Variants in CACNA1E observed in about 807,000 individuals in gnomAD.
The protein encoded by CACNA1E is voltage-dependent R-type calcium channel subunit alpha-1E.
In CACNA1E, 40 loss-of-function variants were observed where a neutral mutation model predicts 259.2. That is an observed-to-expected ratio of 0.15 (90% CI 0.12 to 0.20). The LOEUF (loss-of-function observed/expected upper bound fraction) is 0.20. Ranked by LOEUF, CACNA1E falls within the 10% of genes least tolerant of loss-of-function variation. The pLI, the probability that CACNA1E is intolerant of heterozygous loss-of-function variation, is 1.00. For missense variants in CACNA1E, 1,874 were observed against 3,040.1 expected (o/e 0.62, Z 9.02); for synonymous variants, 1,104 against 1,138.5 (o/e 0.97, Z 0.61).
intron 1 of CACNA1E, among the ~76,000 whole-genome samples, chr1:181,359,661 A>G (rs1426856239): frequency 6.6e-6 from 1 of 152,174 alleles, no homozygotes; most frequent in Non-Finnish European, 1.5e-5. Context: ...TGTGGGTGAT[A>G]GGGGGTTTTA....
At chr1:181,570,043 G>T (rs900014890) in intron 3 of CACNA1E, among the ~76,000 whole-genome samples, 2 of 152,234 alleles carry the variant, frequency 1.3e-5, no homozygotes, top group South Asian at 2.1e-4. Context: ...GTTAGAGCCA[G>T]GAGGGGTCTG....
intron 7 of CACNA1E, among the ~76,000 whole-genome samples, chr1:181,705,335 G>C (rs1652689067): frequency 6.6e-6 from 1 of 152,186 alleles, no homozygotes. Context: ...TATAGAATTA[G>C]CTGTGTATGA....
chr1:181,643,197 T>C (rs1464538492), intron 6 of CACNA1E, among the ~76,000 whole-genome samples: 1 of 152,204 alleles, frequency 6.6e-6, no homozygotes, highest in East Asian at 1.9e-4. Context: ...TTAAACCCTA[T>C]GTAACCCACA....
intron 7 of CACNA1E, among the ~76,000 whole-genome samples, chr1:181,685,282 A>G (rs1356665784): frequency 1.9e-5 from 1 of 52,906 alleles, no homozygotes; most frequent in East Asian, 5.5e-4. Flanking sequence ...TGATTTTTAT[A>G]TGTGTTATTT....
intron 3 of CACNA1E, among the ~76,000 whole-genome samples, chr1:181,516,479 C>G (rs1666595787): frequency 6.8e-6 from 1 of 147,466 alleles, no homozygotes; most frequent in Non-Finnish European, 1.5e-5. Context: ...AAGGCACAGA[C>G]AATTTAACTT....
chr1:181,474,805 C>T (rs116103144), intron 2 of CACNA1E, among the ~76,000 whole-genome samples: 5 of 152,186 alleles, frequency 3.3e-5, no homozygotes, highest in South Asian at 2.1e-4. Flanking sequence ...ATTTCAACTC[C>T]GTTTCTAAGA....
intron 1 of CACNA1E, among the ~76,000 whole-genome samples, chr1:181,394,660 G>A (rs932667003): frequency 2.6e-5 from 4 of 152,352 alleles, no homozygotes; most frequent in Middle Eastern, 3.4e-3. Flanking sequence ...GGGTGGGGCA[G>A]TGTGCAGGAT....
intron 1 of CACNA1E, among the ~76,000 whole-genome samples, chr1:181,322,928 G>A (rs979255737): frequency 6.6e-6 from 1 of 152,238 alleles, no homozygotes; most frequent in African/African-American, 2.4e-5. Context: ...GGATGAAGGT[G>A]TGATGCTGTC....
chr1:181,373,816 T>C (rs1557951476), intron 1 of CACNA1E, among the ~76,000 whole-genome samples: 3 of 152,172 alleles, frequency 2.0e-5, no homozygotes, highest in Non-Finnish European at 4.4e-5. Context: ...TGGACCACCG[T>C]GCCTGGCCCA....
chr1:181,655,798 T>G (rs1462024565), intron 7 of CACNA1E, among the ~76,000 whole-genome samples: 1 of 152,066 alleles, frequency 6.6e-6, no homozygotes, highest in African/African-American at 2.4e-5. Context: ...TAAGAAAAAA[T>G]AAAACTAATG....
At chr1:181,394,411 T>A (rs914192582) in intron 1 of CACNA1E, among the ~76,000 whole-genome samples, 1 of 152,256 alleles carries the variant, frequency 6.6e-6, no homozygotes, top group Non-Finnish European at 1.5e-5. Context: ...CAATTTCAGA[T>A]AATTTACTCA....
At chr1:181,426,405 C>A (rs564571012) in intron 2 of CACNA1E, among the ~76,000 whole-genome samples, 2 of 151,772 alleles carry the variant, frequency 1.3e-5, no homozygotes, top group Non-Finnish European at 2.9e-5. Flanking sequence ...CCCATCTCAG[C>A]CACTTCACAA....
intron 7 of CACNA1E, among the ~76,000 whole-genome samples, chr1:181,670,415 C>T (rs910905191): frequency 2.6e-5 from 4 of 152,154 alleles, no homozygotes; most frequent in Admixed American, 1.3e-4. Flanking sequence ...ACTTAATTAT[C>T]GTTGTGTCCC....
rs185716247 is a variant in CACNA1E at position 181,723,859 on chromosome 1, C to T, written c.2075-611C>T. ...TATCCTCTCCGGGAGTGCCAGTCTC[C>T]AGGAACCTCCACATGTTCAGCTATC... On this transcript the variant is annotated intron_variant, in intron 16 of 47. Coordinates refer to ENST00000367573, the MANE Select transcript of CACNA1E (RefSeq NM_001205293.3). Among the ~76,000 whole-genome samples, 6 of 152,310 alleles carry T rather than the reference C, an allele frequency of 3.9e-5. No homozygotes were observed. In the East Asian group the frequency reaches 1.2e-3, roughly 29 times the overall value.
At chr1:181,426,500 A>C (rs1659219690) in intron 2 of CACNA1E, among the ~76,000 whole-genome samples, 1 of 147,020 alleles carries the variant, frequency 6.8e-6, no homozygotes, top group Non-Finnish European at 1.5e-5. Context: ...TTCAAAACTC[A>C]ACCCCTTCCT....
chr1:181,427,473 A>C, intron 2 of CACNA1E, among the ~76,000 whole-genome samples: 1 of 129,482 alleles, frequency 7.7e-6, no homozygotes, highest in Admixed American at 8.1e-5. Flanking sequence ...CTCCCACCTC[A>C]ACCCTTCCCC....
rs146011469 is a variant in CACNA1E at position 181,539,629 on chromosome 1, C to G, written c.512+28119C>G. 5.9e-5 allele frequency among the ~76,000 whole-genome samples: 9 copies of G among 152,286 alleles called. No homozygotes were observed. In the East Asian group the frequency reaches 1.3e-3, roughly 23 times the overall value. On this transcript the variant is annotated intron_variant, in intron 3 of 47. Transcript: ENST00000367573. ...GTATGAGCCTCTCAATCCAGGTGTC[C>G]CGCAAGGTCTGAGTCCCACTGAAGC...
At chr1:181,403,892 C>T (rs1465820577) in intron 1 of CACNA1E, among the ~76,000 whole-genome samples, 4 of 152,154 alleles carry the variant, frequency 2.6e-5, no homozygotes, top group African/African-American at 7.2e-5. Flanking sequence ...ATGTGGCAGG[C>T]TTATCCTCAG....
In CACNA1E at chr1:181,686,275, GTTTTTT is replaced by G. The variant is rs66526388; in HGVS notation, c.1056-24656_1056-24651del. ...AGGCTTGGAGGCCAGTAAGAACCAAGTTTTTTTTTTTTTTTTTTTTTTTTTTTTGAG... is the reference window on the plus strand; with the variant it reads ...AGGCTTGGAGGCCAGTAAGAACCAAGTTTTTTTTTTTTTTTTTTTTTTGAG... On this transcript the variant is annotated intron_variant, in intron 7 of 47. Transcript: ENST00000367573. Among the ~76,000 whole-genome samples the G allele has an allele frequency of 4.1e-3, 238 of 58,646 alleles. 1 individual carries two copies. Among genetic ancestry groups the G allele is most frequent in the African/African-American group, 0.014 (223 of 16,106 alleles). 38.5% of individuals were successfully genotyped at this position (58,646 alleles called of 152,430 possible). A position where few individuals can be genotyped will look rare whatever the true frequency, so the allele number is the denominator to read the frequency against.
Sources: gnomAD v4.1 joint callset for allele counts (sites outside exome capture counted in the v4.1 genomes callset) on GRCh38, gnomAD v4.1.1 for gene constraint, MANE v1.5 for transcripts, NCBI Gene and HGNC (gene_info 2026-07-23, HGNC 2026-07-21) for gene names.